The following ALK variants were observed in gnomAD, a reference collection of about 807,000 sequenced individuals.
The protein encoded by ALK is ALK tyrosine kinase receptor.
In ALK, 74 loss-of-function variants were observed where a neutral mutation model predicts 163.1. That is an observed-to-expected ratio of 0.45 (90% CI 0.38 to 0.55). The LOEUF is 0.55. Among genes scored for constraint, ALK ranks in the 20% least tolerant of loss-of-function variants. The pLI is 0.00. For missense variants in ALK, 2,063 were observed against 2,105.3 expected (o/e 0.98, Z 0.39); for synonymous variants, 960 against 843.2 (o/e 1.14, Z -2.40).
intron 3 of ALK, among the ~76,000 whole-genome samples, chr2:29,680,238 G>A (rs1006778416): frequency 9.2e-5 from 14 of 151,826 alleles, no homozygotes; most frequent in African/African-American, 2.9e-4. Context: ...AATTTGGCAA[G>A]TTTTAGGCCA....
chr2:29,227,108 G>A lies in ALK; in HGVS notation c.2915-34C>T, dbSNP rs375657497. 1.5e-5 allele frequency: 25 copies of A among 1,613,738 alleles called. No individual in the cohort carries two copies. Among genetic ancestry groups the A allele is most frequent in the Admixed American group, 5.0e-5 (3 of 59,992 alleles). ...AAGGAGGGAGGGTCAGTCTTGGGCC[G>A]AGCCTGCCTCCCCACTCCCAGCCTC... On this transcript the variant is annotated intron_variant, in intron 17 of 28. Transcript: ENST00000389048. This position sits in a 1 kb window ranked among gnomAD's most constrained non-coding sequence, Gnocchi z 4.4.
intron 1 of ALK, chr2:29,890,393 G>A (rs770692533): frequency 2.6e-5 from 4 of 152,212 alleles, no homozygotes; most frequent in Admixed American, 2.6e-4. Flanking sequence ...CTAAAAGTGA[G>A]TCTGAAATTC....
intron 6 of ALK, among the ~76,000 whole-genome samples, chr2:29,322,651 T>C: frequency 6.6e-6 from 1 of 151,972 alleles, no homozygotes. Flanking sequence ...CTGGCCAACA[T>C]GGGGAGACTC....
At chr2:29,385,006 G>A (rs1042706873) in intron 4 of ALK, among the ~76,000 whole-genome samples, 8 of 151,884 alleles carry the variant, frequency 5.3e-5, no homozygotes, top group Non-Finnish European at 1.0e-4. Context: ...AGCAGAGATC[G>A]CCACTGCATT....
At chr2:29,281,348 G>T (rs546041474) in intron 9 of ALK, among the ~76,000 whole-genome samples, 2 of 152,256 alleles carry the variant, frequency 1.3e-5, no homozygotes, top group Admixed American at 1.3e-4. Context: ...CTCTCTGTGG[G>T]CAGCCTGGTC....
At chr2:29,373,487 A>G (rs1401449887) in intron 5 of ALK, among the ~76,000 whole-genome samples, 1 of 152,212 alleles carries the variant, frequency 6.6e-6, no homozygotes, top group Non-Finnish European at 1.5e-5. Context: ...CTGGGAGTAC[A>G]ATGACCTCGG....
At chr2:29,836,128 A>G (rs1457318764) in intron 1 of ALK, among the ~76,000 whole-genome samples, 2 of 152,104 alleles carry the variant, frequency 1.3e-5, no homozygotes, top group Non-Finnish European at 2.9e-5. Flanking sequence ...TTCCTTAGCA[A>G]TGTTCCCAGG....
chr2:29,206,502 G>T (rs1329716964), intron 26 of ALK, among the ~76,000 whole-genome samples: 2 of 151,994 alleles, frequency 1.3e-5, no homozygotes, highest in Admixed American at 6.5e-5. Flanking sequence ...GAACTCCTGG[G>T]CTCGAGCAGT....
intron 26 of ALK, among the ~76,000 whole-genome samples, chr2:29,201,955 T>A (rs747369865): frequency 1.3e-5 from 2 of 152,126 alleles, no homozygotes; most frequent in Non-Finnish European, 2.9e-5. Flanking sequence ...AGATTTTTTT[T>A]ATAAAGCAAA....
At chr2:29,437,310 G>A (rs1670426360) in intron 4 of ALK, among the ~76,000 whole-genome samples, 1 of 152,084 alleles carries the variant, frequency 6.6e-6, no homozygotes, top group South Asian at 2.1e-4. Flanking sequence ...CAGAGAATCT[G>A]TTGGTTTGAA....
At chr2:29,603,532 A>G (rs145101919) in intron 3 of ALK, among the ~76,000 whole-genome samples, 50 of 152,232 alleles carry the variant, frequency 3.3e-4, no homozygotes, top group Admixed American at 1.2e-3. Context: ...TGCATTCCAA[A>G]GGAAGGAGAG....
chr2:29,321,571 A>G (rs1171320461), intron 6 of ALK, among the ~76,000 whole-genome samples: 2 of 152,210 alleles, frequency 1.3e-5, no homozygotes, highest in Non-Finnish European at 2.9e-5. Context: ...GCCCTTGTGT[A>G]AATCTTTGGT....
chr2:29,679,858 A>G (rs1678009705), intron 3 of ALK, among the ~76,000 whole-genome samples: 1 of 151,922 alleles, frequency 6.6e-6, no homozygotes, highest in South Asian at 2.1e-4. Context: ...CTTCCTTAGT[A>G]TTTATTGTAA....
At chr2:29,918,232 TAC>T (rs1340257489) in intron 1 of ALK, among the ~76,000 whole-genome samples, 2 of 152,230 alleles carry the variant, frequency 1.3e-5, no homozygotes, top group African/African-American at 4.8e-5. Flanking sequence ...CAACAGCTGA[TAC>T]AGACTGCTGG....
chr2:29,764,048 T>C (rs561585556), intron 1 of ALK, among the ~76,000 whole-genome samples: 1 of 152,276 alleles, frequency 6.6e-6, no homozygotes, highest in East Asian at 1.9e-4. Flanking sequence ...AGACATCCTG[T>C]GACCTCCTGT....
chr2:29,581,303 G>A (rs1364379281), intron 3 of ALK, among the ~76,000 whole-genome samples: 3 of 152,160 alleles, frequency 2.0e-5, no homozygotes, highest in East Asian at 1.9e-4. Flanking sequence ...CAGGAGAATC[G>A]CTTGAACCCG....
intron 4 of ALK, among the ~76,000 whole-genome samples, chr2:29,517,249 T>A (rs900373759): frequency 6.6e-6 from 1 of 152,104 alleles, no homozygotes; most frequent in Non-Finnish European, 1.5e-5. Flanking sequence ...GGAGTCCAGG[T>A]TAATCTCCCC....
At chr2:29,403,416 T>C (rs1170562177) in intron 4 of ALK, among the ~76,000 whole-genome samples, 1 of 152,168 alleles carries the variant, frequency 6.6e-6, no homozygotes, top group Non-Finnish European at 1.5e-5. Context: ...TCCATTCCTC[T>C]ACCCTACTAA....
intron 1 of ALK, among the ~76,000 whole-genome samples, chr2:29,763,103 A>G (rs1680757856): frequency 6.6e-6 from 1 of 151,732 alleles, no homozygotes; most frequent in African/African-American, 2.4e-5. Flanking sequence ...AAAAAAAAAA[A>G]AAAAATAGGA....
Sources: allele counts gnomAD v4.1 joint callset (sites outside exome capture counted in the v4.1 genomes callset), GRCh38; gene constraint gnomAD v4.1.1; non-coding constraint Gnocchi (gnomAD v3.1); transcripts MANE v1.5; gene names NCBI Gene and HGNC (gene_info 2026-07-23, HGNC 2026-07-21).